MYO1B: variants seen among roughly 807,000 people sequenced by gnomAD.
MYO1B encodes the protein myosin IB.
A neutral mutation model predicts 159.7 loss-of-function variants in MYO1B; 72 were observed. The ratio of observed to expected loss-of-function variants is 0.45; its 90% CI spans 0.37 to 0.55. The LOEUF (loss-of-function observed/expected upper bound fraction) is 0.55, where lower values mean the gene tolerates loss of function less well. Ranked by LOEUF, MYO1B falls within the 20% of genes least tolerant of loss-of-function variation. The probability of loss-of-function intolerance (pLI) is 0.00; values close to 1 mark genes in which losing one functional copy is unlikely to be tolerated. For missense variants in MYO1B, 1,062 were observed against 1,364.8 expected (o/e 0.78, Z 3.50); for synonymous variants, 468 against 473.8 (o/e 0.99, Z 0.16).
intron 7 of MYO1B, among the ~76,000 whole-genome samples, chr2:191,353,201 A>G (rs1315069397): frequency 6.6e-6 from 1 of 152,232 alleles, no homozygotes; most frequent in African/African-American, 2.4e-5. Flanking sequence ...AAGATAAAAT[A>G]TAGAAGCACA....
intron 24 of MYO1B, among the ~76,000 whole-genome samples, chr2:191,405,807 C>T (rs962966156): frequency 3.3e-5 from 5 of 152,256 alleles, no homozygotes; most frequent in Non-Finnish European, 5.9e-5. Flanking sequence ...ATGGAGCACA[C>T]AGGCGGAGTA....
chr2:191,386,387 G>A (rs987452889), intron 16 of MYO1B, among the ~76,000 whole-genome samples: 6 of 152,052 alleles, frequency 3.9e-5, no homozygotes, highest in Admixed American at 2.0e-4. Context: ...TAACACTATT[G>A]AAGGAGATTT....
At chr2:191,286,178 T>G (rs1392748771) in intron 2 of MYO1B, among the ~76,000 whole-genome samples, 1 of 152,202 alleles carries the variant, frequency 6.6e-6, no homozygotes, top group African/African-American at 2.4e-5. Context: ...ACTGGCGACA[T>G]GAGATGCATA....
At chr2:191,423,174 T>C (rs1698049384) in intron 30 of MYO1B, among the ~76,000 whole-genome samples, 1 of 152,172 alleles carries the variant, frequency 6.6e-6, no homozygotes, top group Non-Finnish European at 1.5e-5. Flanking sequence ...GCAAACATCA[T>C]AGAGTGTGTA....
chr2:191,370,368 CATT>C, intron 13 of MYO1B, 76 bp downstream of exon 13: 3 of 979,948 alleles, frequency 3.1e-6, no homozygotes, highest in South Asian at 2.9e-5. Context: ...ATTATGTAGA[CATT>C]ATAAGTAACT....
chr2:191,327,561 C>T (rs1268564144), intron 3 of MYO1B, among the ~76,000 whole-genome samples: 1 of 152,134 alleles, frequency 6.6e-6, no homozygotes, highest in African/African-American at 2.4e-5. Flanking sequence ...TCTATAGGGC[C>T]CAGGGAATTG....
chr2:191,304,012 G>A (rs1689490786), intron 3 of MYO1B, among the ~76,000 whole-genome samples: 1 of 152,192 alleles, frequency 6.6e-6, no homozygotes, highest in African/African-American at 2.4e-5. Flanking sequence ...TTTGTTGTCA[G>A]TCTTGGGGGA....
intron 1 of MYO1B, among the ~76,000 whole-genome samples, chr2:191,248,790 T>C (rs1685942669): frequency 6.6e-6 from 1 of 152,226 alleles, no homozygotes; most frequent in South Asian, 2.1e-4. Context: ...AGGTATATAC[T>C]GTATGGTATG....
intron 8 of MYO1B, 27 bp from the exon 9 acceptor site, chr2:191,362,236 CAACTT>C (rs1286002360): frequency 9.8e-6 from 15 of 1,538,330 alleles, no homozygotes; most frequent in Non-Finnish European, 1.3e-5. Flanking sequence ...TTTATTGAAG[CAACTT>C]AACAACTTGT....
intron 3 of MYO1B, among the ~76,000 whole-genome samples, chr2:191,314,714 G>A (rs920851354): frequency 5.9e-5 from 9 of 152,076 alleles, no homozygotes; most frequent in African/African-American, 1.7e-4. Context: ...AATTAAGTTC[G>A]TTTTCCACAT....
At chr2:191,262,640 A>G (rs1303488041) in intron 1 of MYO1B, among the ~76,000 whole-genome samples, 2 of 147,966 alleles carry the variant, frequency 1.4e-5, no homozygotes, top group South Asian at 2.2e-4. Flanking sequence ...CATTCCCACC[A>G]CTCTAACACC....
chr2:191,315,410 A>G (rs1424782125), intron 3 of MYO1B, among the ~76,000 whole-genome samples: 1 of 152,242 alleles, frequency 6.6e-6, no homozygotes, highest in Non-Finnish European at 1.5e-5. Flanking sequence ...AAGGCAGCTT[A>G]GTATTTTATA....
In MYO1B at chr2:191,362,757, C is replaced by G. The variant is rs1312247196; in HGVS notation, c.765+386C>G. 3.3e-5 allele frequency among the ~76,000 whole-genome samples: 5 copies of G among 152,110 alleles called. No individual in the cohort carries two copies. In the South Asian group the frequency reaches 8.3e-4, roughly 25 times the overall value. ...AGAAAAAAATCTTTTTATATAGTTTCAGAAACTCATATATAAACCCGAGCG... is the reference window on the plus strand; with the variant it reads ...AGAAAAAAATCTTTTTATATAGTTTGAGAAACTCATATATAAACCCGAGCG... On this transcript the variant is annotated intron_variant, in intron 9 of 30. Coordinates refer to ENST00000392318, the MANE Select transcript of MYO1B (RefSeq NM_001130158.3).
chr2:191,416,393 A>G (rs1315167017), intron 30 of MYO1B, 151 bp downstream of exon 30: 5 of 858,018 alleles, frequency 5.8e-6, no homozygotes, highest in Non-Finnish European at 9.2e-6. Context: ...AGTGAATGAC[A>G]CTGACCAAGT....
intron 27 of MYO1B, among the ~76,000 whole-genome samples, chr2:191,412,413 T>C (rs1697303493): frequency 6.6e-6 from 1 of 152,222 alleles, no homozygotes; most frequent in Admixed American, 6.5e-5. Context: ...TAAAACACAG[T>C]TGAATAGGAA....
At chr2:191,313,668 G>A (rs1465329927) in intron 3 of MYO1B, among the ~76,000 whole-genome samples, 1 of 152,178 alleles carries the variant, frequency 6.6e-6, no homozygotes, top group Non-Finnish European at 1.5e-5. Context: ...ACAGGCGTGA[G>A]CCACTGCGCC....
In MYO1B at chr2:191,387,106, G is replaced by T. The variant is rs113835857; in HGVS notation, c.1555-118G>T. 944 of 990,696 alleles carry T rather than the reference G, an allele frequency of 9.5e-4. 4 individuals are homozygous for T. In the African/African-American group the frequency reaches 0.014, roughly 14 times the overall value. The allele number at this position is 990,696 out of a possible 1,614,324, so 61.4% of individuals were successfully genotyped here. A position where few individuals can be genotyped will look rare whatever the true frequency, so the allele number is the denominator to read the frequency against. ...ATGAGAGTGTGACTAACATGTCAGG[G>T]ATTTTTTGATGGTGAAGGAAGTGGC... On this transcript the variant is annotated intron_variant, in intron 16 of 30. Coordinates refer to ENST00000392318, the MANE Select transcript of MYO1B (RefSeq NM_001130158.3).
chr2:191,387,881 G>A (rs1404715419), intron 17 of MYO1B: 1 of 221,848 alleles, frequency 4.5e-6, no homozygotes, highest in East Asian at 1.1e-4. Context: ...TAACTGCTCT[G>A]GCACTTCTTA....
chr2:191,248,397 C>T (rs1202735452), intron 1 of MYO1B, among the ~76,000 whole-genome samples: 1 of 152,160 alleles, frequency 6.6e-6, no homozygotes, highest in Non-Finnish European at 1.5e-5. Flanking sequence ...GTTGAAAATG[C>T]ATTTAATACA....
Sources: allele counts gnomAD v4.1 joint callset (sites outside exome capture counted in the v4.1 genomes callset), GRCh38; gene constraint gnomAD v4.1.1; transcripts MANE v1.5; gene names NCBI Gene and HGNC (gene_info 2026-07-23, HGNC 2026-07-21).